The following SH3RF3 variants were observed in gnomAD, a reference collection of about 807,000 sequenced individuals.
SH3RF3 encodes the protein SH3 domain containing ring finger 3.
SH3RF3 carries 29 observed loss-of-function variants against 66.3 expected under a neutral mutation model. That is an observed-to-expected ratio of 0.44 (90% CI 0.33 to 0.60). The LOEUF is 0.60. Ranked by LOEUF, SH3RF3 falls within the 20% of genes least tolerant of loss-of-function variation. SH3RF3 has a pLI of 0.04. For missense variants in SH3RF3, 1,194 were observed against 1,190.9 expected, an observed-to-expected ratio of 1.00 and a Z score of -0.04; for synonymous variants, 583 against 532.0, an observed-to-expected ratio of 1.10 and a Z score of -1.32.
At chr2:109,414,133 G>T (rs1676664695) in intron 4 of SH3RF3, among the ~76,000 whole-genome samples, 1 of 152,202 alleles carries the variant, frequency 6.6e-6, no homozygotes, top group African/African-American at 2.4e-5. Context: ...CTTCTGGGTG[G>T]TGTCCCGCAG....
intron 1 of SH3RF3, among the ~76,000 whole-genome samples, chr2:109,320,693 C>T (rs1574572026): frequency 6.6e-6 from 1 of 152,204 alleles, no homozygotes. Context: ...TGGCATTCCT[C>T]TTCTGTAAAG....
chr2:109,153,783 C>T (rs1308818158), intron 1 of SH3RF3, among the ~76,000 whole-genome samples: 8 of 152,192 alleles, frequency 5.3e-5, no homozygotes, highest in South Asian at 4.1e-4. Flanking sequence ...AACCACCCCC[C>T]GACCCCCGAT....
intron 8 of SH3RF3, among the ~76,000 whole-genome samples, chr2:109,464,915 A>G (rs145970238): frequency 6.6e-6 from 1 of 152,342 alleles, no homozygotes; most frequent in East Asian, 1.9e-4. Flanking sequence ...GTCCAGCATT[A>G]TAGTATCATA....
chr2:109,380,618 T>C (rs1683489337), intron 3 of SH3RF3, among the ~76,000 whole-genome samples: 1 of 152,154 alleles, frequency 6.6e-6, no homozygotes, highest in Admixed American at 6.5e-5. Context: ...GTGGGGACAG[T>C]GAGTAGCCCT....
chr2:109,269,264 A>G (rs911822698), intron 1 of SH3RF3, among the ~76,000 whole-genome samples: 46 of 152,316 alleles, frequency 3.0e-4, no homozygotes, highest in African/African-American at 1.1e-3. Flanking sequence ...GTATTTTGAA[A>G]TGACATAAAG....
At chr2:109,289,550 T>C (rs1681115865) in intron 1 of SH3RF3, among the ~76,000 whole-genome samples, 2 of 152,218 alleles carry the variant, frequency 1.3e-5, no homozygotes. Context: ...TTAGCAATTA[T>C]GGGGACCATG....
rs1327916394 is a variant in SH3RF3 at position 109,189,327 on chromosome 2, C to T, written c.573+59214C>T. Among the ~76,000 whole-genome samples, 3 of 151,664 alleles carry T rather than the reference C, an allele frequency of 2.0e-5. No homozygotes were observed. In the East Asian group the frequency reaches 5.8e-4, roughly 29 times the overall value. Reference sequence around the variant, plus strand: ...CCACCTGACACCCCCCACCATCTACCAGGCAGACAGGAGAGGAACTTACGT... The same window carrying T: ...CCACCTGACACCCCCCACCATCTACTAGGCAGACAGGAGAGGAACTTACGT... On this transcript the variant is annotated intron_variant, in intron 1 of 9. Transcript: ENST00000309415.
chr2:109,442,758 A>G (rs1422850770), intron 7 of SH3RF3, among the ~76,000 whole-genome samples: 1 of 152,242 alleles, frequency 6.6e-6, no homozygotes, highest in Admixed American at 6.5e-5. Context: ...GGAATCATGA[A>G]AACATCCAAA....
At chr2:109,250,289 G>T (rs1014950223) in intron 1 of SH3RF3, among the ~76,000 whole-genome samples, 4 of 151,800 alleles carry the variant, frequency 2.6e-5, no homozygotes, top group Non-Finnish European at 4.4e-5. Flanking sequence ...AAGACATCTC[G>T]CCCATTGCTG....
intron 5 of SH3RF3, among the ~76,000 whole-genome samples, chr2:109,432,206 G>A (rs1310729639): frequency 6.6e-6 from 1 of 152,156 alleles, no homozygotes; most frequent in Non-Finnish European, 1.5e-5. Flanking sequence ...CTGGGCCTTA[G>A]GGAGCTGCCT....
At chr2:109,152,782 G>T (rs943000987) in intron 1 of SH3RF3, among the ~76,000 whole-genome samples, 3 of 152,174 alleles carry the variant, frequency 2.0e-5, no homozygotes, top group African/African-American at 7.2e-5. Flanking sequence ...TCCCAGGCCC[G>T]ATGGCCTGAT....
intron 1 of SH3RF3, among the ~76,000 whole-genome samples, chr2:109,151,573 G>C (rs1366508255): frequency 6.6e-6 from 1 of 152,332 alleles, no homozygotes; most frequent in East Asian, 1.9e-4. Flanking sequence ...TCGGCATGTA[G>C]TTACTATGAA....
intron 1 of SH3RF3, among the ~76,000 whole-genome samples, chr2:109,147,352 T>C (rs1369541979): frequency 6.6e-6 from 1 of 152,230 alleles, no homozygotes; most frequent in Non-Finnish European, 1.5e-5. Flanking sequence ...AGACTATCTC[T>C]GCGCTGATAA....
chr2:109,447,162 A>G (rs1192252303), intron 7 of SH3RF3, among the ~76,000 whole-genome samples: 3 of 151,410 alleles, frequency 2.0e-5, no homozygotes, highest in Middle Eastern at 3.4e-3. Context: ...AAAAAAAAAA[A>G]AAAAAAGAAA....
At chr2:109,257,167 G>A (rs1006574970) in intron 1 of SH3RF3, among the ~76,000 whole-genome samples, 1 of 152,346 alleles carries the variant, frequency 6.6e-6, no homozygotes, top group African/African-American at 2.4e-5. Flanking sequence ...CTGGAAAAGT[G>A]CCCACTGGGG....
At chr2:109,469,150 C>T (rs1011498516) in intron 8 of SH3RF3, among the ~76,000 whole-genome samples, 1 of 152,158 alleles carries the variant, frequency 6.6e-6, no homozygotes, top group Non-Finnish European at 1.5e-5. Context: ...CCCAAGAATG[C>T]GGGCCCCCTG....
chr2:109,424,748 G>T (rs1279532726), intron 5 of SH3RF3, among the ~76,000 whole-genome samples: 1 of 152,104 alleles, frequency 6.6e-6, no homozygotes, highest in Non-Finnish European at 1.5e-5. Flanking sequence ...CGGCTCCACG[G>T]ACCCACCGTT....
At chr2:109,152,065 T>C (rs1677236112) in intron 1 of SH3RF3, among the ~76,000 whole-genome samples, 1 of 152,262 alleles carries the variant, frequency 6.6e-6, no homozygotes, top group Non-Finnish European at 1.5e-5. Flanking sequence ...ATCAGCAGTC[T>C]ATTTTCAGTG....
At chr2:109,188,469 C>T (rs763986553) in intron 1 of SH3RF3, among the ~76,000 whole-genome samples, 5 of 152,194 alleles carry the variant, frequency 3.3e-5, no homozygotes, top group Non-Finnish European at 5.9e-5. Flanking sequence ...GCATTGTTTC[C>T]CCCTGGGGTT....
Sources: gnomAD v4.1 joint callset for allele counts (sites outside exome capture counted in the v4.1 genomes callset) on GRCh38, gnomAD v4.1.1 for gene constraint, MANE v1.5 for transcripts, NCBI Gene and HGNC (gene_info 2026-07-23, HGNC 2026-07-21) for gene names.